BCAS3: variants seen among roughly 807,000 people sequenced by gnomAD.
BCAS3 encodes the protein BCAS3 microtubule associated cell migration factor.
In BCAS3, 53 loss-of-function variants were observed where a neutral mutation model predicts 116.1. The observed-to-expected ratio is 0.46, with a 90% CI of 0.37 to 0.57. BCAS3 has a LOEUF of 0.57. BCAS3 is among the 20% of genes least tolerant of loss of function. The probability of loss-of-function intolerance (pLI) is 0.00; values close to 1 mark genes in which losing one functional copy is unlikely to be tolerated. For missense variants in BCAS3, 917 were observed against 1,165.4 expected, an observed-to-expected ratio of 0.79 and a Z score of 3.10; for synonymous variants, 391 against 408.2, an observed-to-expected ratio of 0.96 and a Z score of 0.51.
chr17:60,870,291 A>G (rs1458579287), intron 8 of BCAS3, among the ~76,000 whole-genome samples: 3 of 152,192 alleles, frequency 2.0e-5, no homozygotes, highest in Non-Finnish European at 4.4e-5. Context: ...AGGTGATATG[A>G]CAAGAGTGTA....
At chr17:60,850,358 T>G (rs1041307770) in intron 7 of BCAS3, among the ~76,000 whole-genome samples, 2 of 139,698 alleles carry the variant, frequency 1.4e-5, no homozygotes, top group Non-Finnish European at 3.1e-5. Context: ...TTTTTTTTTT[T>G]TTTTTTTTTT....
intron 22 of BCAS3, among the ~76,000 whole-genome samples, chr17:61,295,673 C>T (rs919426187): frequency 4.6e-5 from 7 of 151,780 alleles, no homozygotes; most frequent in Non-Finnish European, 1.0e-4. Context: ...GTAGGTCAGG[C>T]GGGGCGCGGT....
intron 8 of BCAS3, among the ~76,000 whole-genome samples, chr17:60,870,649 C>G (rs2055019854): frequency 6.6e-6 from 1 of 152,082 alleles, no homozygotes; most frequent in African/African-American, 2.4e-5. Context: ...AAGTCTGATG[C>G]TAATGAAAAT....
At position 61,261,574 on chromosome 17, in the gene BCAS3, T is replaced by C. The variant is rs998927845; in HGVS notation, c.2426-106753T>C. ...CTGTTTATTTCTTTTCCGCATGTTTTCCCCCTAGTTTCAAAAGCTAAAATG... is the reference window on the plus strand; with the variant it reads ...CTGTTTATTTCTTTTCCGCATGTTTCCCCCCTAGTTTCAAAAGCTAAAATG... On this transcript the variant is annotated intron_variant, in intron 22 of 23. Coordinates refer to ENST00000407086, the MANE Select transcript of BCAS3 (RefSeq NM_017679.5). This position sits in a 1 kb window ranked among gnomAD's most constrained non-coding sequence, Gnocchi z 4.4. 1.3e-5 allele frequency among the ~76,000 whole-genome samples: 2 copies of C among 152,228 alleles called. No individual in the cohort carries two copies. The highest frequency in any genetic ancestry group is 4.8e-5 in the African/African-American group (2 of 41,458).
intron 22 of BCAS3, among the ~76,000 whole-genome samples, chr17:61,164,114 T>C (rs9894328): frequency 7.4e-6 from 1 of 135,200 alleles, no homozygotes; most frequent in African/African-American, 2.8e-5. Context: ...TTTTTTTTTT[T>C]GGAAACATCA....
At chr17:60,925,204 C>T (rs957949882) in intron 13 of BCAS3, among the ~76,000 whole-genome samples, 5 of 152,080 alleles carry the variant, frequency 3.3e-5, no homozygotes, top group African/African-American at 1.2e-4. Context: ...GATGCTTGGC[C>T]AGATTTTTTT....
rs1244838919 is a variant in BCAS3 at position 61,224,182 on chromosome 17, T to C, written c.2425+139618T>C. 6.6e-6 allele frequency among the ~76,000 whole-genome samples: 1 copy of C among 152,268 alleles called. No individual in the cohort carries two copies. Among genetic ancestry groups the C allele is most frequent in the East Asian group, 1.9e-4 (1 of 5,206 alleles). On this transcript the variant is annotated intron_variant, in intron 22 of 23. Coordinates refer to ENST00000407086, the MANE Select transcript of BCAS3 (RefSeq NM_017679.5). This position sits in a 1 kb window ranked among gnomAD's most constrained non-coding sequence, Gnocchi z 5.7. Reference sequence around the variant, plus strand: ...CCCATTGATTTATAAGAGAAATCTTTAAGCATCTATCATGTGCATCTCTGT... The same window carrying C: ...CCCATTGATTTATAAGAGAAATCTTCAAGCATCTATCATGTGCATCTCTGT...
At chr17:61,115,441 G>A (rs2075369284) in intron 22 of BCAS3, among the ~76,000 whole-genome samples, 1 of 146,396 alleles carries the variant, frequency 6.8e-6, no homozygotes, top group African/African-American at 2.5e-5. Context: ...GACATGAACA[G>A]ACACTTCTCA....
chr17:60,751,926 T>A (rs1442169864), intron 6 of BCAS3, among the ~76,000 whole-genome samples: 1 of 152,188 alleles, frequency 6.6e-6, no homozygotes, highest in Non-Finnish European at 1.5e-5. Context: ...AATACTCAAA[T>A]GTGGGAAATG....
intron 22 of BCAS3, among the ~76,000 whole-genome samples, chr17:61,185,589 C>T (rs1056891645): frequency 6.6e-6 from 1 of 152,124 alleles, no homozygotes; most frequent in African/African-American, 2.4e-5. Flanking sequence ...ATGGTTCATT[C>T]ATCGGTCAAA....
intron 5 of BCAS3, among the ~76,000 whole-genome samples, chr17:60,725,582 C>T (rs1223524175): frequency 6.6e-6 from 1 of 152,146 alleles, no homozygotes; most frequent in East Asian, 1.9e-4. Flanking sequence ...ATTTTGTTCT[C>T]CAAGGGGCCA....
At chr17:61,268,003 A>G (rs2049902009) in intron 22 of BCAS3, among the ~76,000 whole-genome samples, 2 of 152,048 alleles carry the variant, frequency 1.3e-5, no homozygotes, top group Admixed American at 6.6e-5. Context: ...AATGTCCTAC[A>G]TTTGGTGCCT....
chr17:60,836,210 A>G (rs2051361233), intron 7 of BCAS3, among the ~76,000 whole-genome samples: 1 of 152,156 alleles, frequency 6.6e-6, no homozygotes, highest in Non-Finnish European at 1.5e-5. Flanking sequence ...CCCAGATTCC[A>G]TAGTTCACAT....
Position 61,049,355 on chromosome 17 carries a change from T to TG in BCAS3, c.2029+8464dup, listed in dbSNP as rs543391833. Among the ~76,000 whole-genome samples, 26 of 151,906 alleles carry TG rather than the reference T, an allele frequency of 1.7e-4. No individual in the cohort carries two copies. The East Asian group carries it at 4.6e-3, about 27-fold the overall frequency. On this transcript the variant is annotated intron_variant, in intron 19 of 23. Transcript: ENST00000407086. ...TTGCAGAAGAAAAGATTAGTGAACT[T>TG]GAAGATAGAGCAAGATAAAGATCTT...
chr17:61,185,618 A>T (rs2079723032), intron 22 of BCAS3, among the ~76,000 whole-genome samples: 2 of 152,124 alleles, frequency 1.3e-5, no homozygotes, highest in Non-Finnish European at 2.9e-5. Flanking sequence ...ATTTCCTTTA[A>T]TTGAATTAAG....
intron 22 of BCAS3, among the ~76,000 whole-genome samples, chr17:61,207,960 A>G (rs2081242539): frequency 6.6e-6 from 1 of 152,216 alleles, no homozygotes. Flanking sequence ...ATTCTCAGTC[A>G]GATTCTTGCT....
intron 22 of BCAS3, among the ~76,000 whole-genome samples, chr17:61,262,484 G>T (rs558066343): frequency 6.6e-6 from 1 of 151,738 alleles, no homozygotes; most frequent in Non-Finnish European, 1.5e-5. Flanking sequence ...GGATTCAAGC[G>T]ATTCTCCTGC....
rs895322312 is a variant in BCAS3 at position 61,013,741 on chromosome 17, A to T, written c.1487-2010A>T. On this transcript the variant is annotated intron_variant, in intron 15 of 23. Coordinates refer to ENST00000407086, the MANE Select transcript of BCAS3 (RefSeq NM_017679.5). This position sits in a 1 kb window ranked among gnomAD's most constrained non-coding sequence, Gnocchi z 4.4. ...TTTCTTATCTTTCCCCATATTTTACAAAAGAGACATTTATCAAAGGTTAAC... is the reference window on the plus strand; with the variant it reads ...TTTCTTATCTTTCCCCATATTTTACTAAAGAGACATTTATCAAAGGTTAAC... Among the ~76,000 whole-genome samples the T allele has an allele frequency of 1.3e-5, 2 of 152,160 alleles. No individual in the cohort carries two copies. Among genetic ancestry groups the T allele is most frequent in the African/African-American group, 4.8e-5 (2 of 41,448 alleles).
chr17:61,172,416 G>A (rs531810559), intron 22 of BCAS3, among the ~76,000 whole-genome samples: 3 of 151,998 alleles, frequency 2.0e-5, no homozygotes, highest in Non-Finnish European at 4.4e-5. Flanking sequence ...GGCGGATCAC[G>A]AGGTCCAGAG....
Sources: gnomAD v4.1 joint callset for allele counts (sites outside exome capture counted in the v4.1 genomes callset) on GRCh38, gnomAD v4.1.1 for gene constraint, Gnocchi (gnomAD v3.1) non-coding constraint, MANE v1.5 for transcripts, NCBI Gene and HGNC (gene_info 2026-07-23, HGNC 2026-07-21) for gene names.